Variants in HPCAL1 observed in about 807,000 individuals in gnomAD.
The protein encoded by HPCAL1 is hippocalcin like 1, also known as hippocalcin-like protein 1.
HPCAL1 carries 8 observed loss-of-function variants against 17.1 expected under a neutral mutation model. The observed-to-expected ratio is 0.47, with a 90% CI of 0.27 to 0.84. The LOEUF is 0.84. HPCAL1 is among the 40% of genes least tolerant of loss of function. The pLI is 0.13. For synonymous variants in HPCAL1, 112 were observed against 111.4 expected, an observed-to-expected ratio of 1.01 and a Z score of -0.03; for missense variants, 165 against 271.1, an observed-to-expected ratio of 0.61 and a Z score of 2.75.
chr2:10,338,409 TG>T (rs1664853452), intron 1 of HPCAL1, among the ~76,000 whole-genome samples: 1 of 152,148 alleles, frequency 6.6e-6, no homozygotes, highest in Non-Finnish European at 1.5e-5. Context: ...ATCAGCTGTG[TG>T]GTGTTCAAAT....
rs891668399 is a variant in HPCAL1 at position 10,363,736 on chromosome 2, C to T, written c.-110-33099C>T. On this transcript the variant is annotated intron_variant, in intron 1 of 4. Transcript: ENST00000307845. The surrounding 1 kb of genome is among the most constrained non-coding windows in gnomAD (Gnocchi z 4.7). The stretch of plus-strand genomic sequence containing the variant: ...TCTGAGGCCAGCCACAGTTTGGGCA[C>T]GGCAAGGCTGGGGAGCCAGGCTTGT... Among the ~76,000 whole-genome samples, 6 of 152,176 alleles carry T rather than the reference C, an allele frequency of 3.9e-5. No individual in the cohort carries two copies. The highest frequency in any genetic ancestry group is 8.8e-5 in the Non-Finnish European group (6 of 68,032).
intron 2 of HPCAL1, among the ~76,000 whole-genome samples, chr2:10,410,436 C>CCTTT (rs1553360283): frequency 1.3e-5 from 1 of 77,496 alleles, no homozygotes; most frequent in Non-Finnish European, 2.3e-5. Context: ...TCTTCTTCTT[C>CCTTT]TTTTTTTTTT....
chr2:10,387,004 G>C (rs1024105059), intron 1 of HPCAL1, among the ~76,000 whole-genome samples: 1 of 152,222 alleles, frequency 6.6e-6, no homozygotes, highest in South Asian at 2.1e-4. Context: ...GGCCAGGTGG[G>C]CCCAAGTGTG....
In HPCAL1 at chr2:10,342,535, C is replaced by T. The variant is rs772386907; in HGVS notation, c.-111+39358C>T. 6.6e-6 allele frequency among the ~76,000 whole-genome samples: 1 copy of T among 152,124 alleles called. No homozygotes were observed. The highest frequency in any genetic ancestry group is 1.5e-5 in the Non-Finnish European group (1 of 68,010). On this transcript the variant is annotated intron_variant, in intron 1 of 4. Transcript: ENST00000307845. The surrounding 1 kb of genome is among the most constrained non-coding windows in gnomAD (Gnocchi z 4.1). ...AGGGTGGGAGGGGACTCCCAGGGAG[C>T]GGGGCTTGTGCTGGACTTTGCAGGA...
intron 1 of HPCAL1, among the ~76,000 whole-genome samples, chr2:10,309,997 T>C (rs941780020): frequency 2.0e-5 from 3 of 152,166 alleles, no homozygotes; most frequent in Non-Finnish European, 4.4e-5. Flanking sequence ...GCAAAATACC[T>C]TGGAAAGATC....
rs1391683417 is a variant in HPCAL1 at position 10,322,599 on chromosome 2, AG to A, written c.-111+19423del. On this transcript the variant is annotated intron_variant, in intron 1 of 4. Coordinates refer to ENST00000307845, the MANE Select transcript of HPCAL1 (RefSeq NM_002149.4). ...GCGAGGGGTTTCCCTTTCTGAATAA[AG>A]AGTCAAAGTCCCAAGACAGATGATT... is the stretch of plus-strand genomic sequence containing the variant. Among the ~76,000 whole-genome samples, 7 of 152,356 alleles carry A rather than the reference AG, an allele frequency of 4.6e-5. No homozygotes were observed. In the South Asian group the frequency reaches 6.2e-4, roughly 14 times the overall value.
intron 1 of HPCAL1, among the ~76,000 whole-genome samples, chr2:10,372,481 C>T (rs1667283488): frequency 6.6e-6 from 1 of 152,162 alleles, no homozygotes; most frequent in African/African-American, 2.4e-5. Flanking sequence ...GAGCGTATGG[C>T]TGTGACACAC....
intron 1 of HPCAL1, among the ~76,000 whole-genome samples, chr2:10,352,604 G>A (rs1209358515): frequency 6.6e-6 from 1 of 152,198 alleles, no homozygotes; most frequent in African/African-American, 2.4e-5. Context: ...CCCTGGGGAC[G>A]TCTGGGATCT....
In HPCAL1 at chr2:10,422,977, C is replaced by A. The variant is rs746724475; in HGVS notation, c.379-6C>A. The A allele has an allele frequency of 6.2e-7, 1 of 1,607,212 alleles. No individual in the cohort carries two copies. Among genetic ancestry groups the A allele is most frequent in the Non-Finnish European group, 8.5e-7 (1 of 1,174,418 alleles). ...CTGAGCACAGTGTCATTGCCCCCAT[C>A]CGCAGGCCATCTACAAGATGGTGTC... On this transcript the variant is annotated splice_polypyrimidine_tract_variant and splice_region_variant and intron_variant, in intron 3 of 4. Transcript: ENST00000307845.
chr2:10,375,592 A>G (rs542707567), intron 1 of HPCAL1, among the ~76,000 whole-genome samples: 36 of 152,372 alleles, frequency 2.4e-4, no homozygotes, highest in African/African-American at 8.2e-4. Context: ...TAAACTCTGA[A>G]GTCAGAATTG....
At chr2:10,347,206 C>A (rs1039156320) in intron 1 of HPCAL1, among the ~76,000 whole-genome samples, 8 of 152,032 alleles carry the variant, frequency 5.3e-5, no homozygotes, top group African/African-American at 1.9e-4. Context: ...ATACGGTGGG[C>A]GCCTGTTCTT....
intron 1 of HPCAL1, among the ~76,000 whole-genome samples, chr2:10,350,319 CTTTTT>C (rs34432791): frequency 3.8e-5 from 5 of 130,210 alleles, no homozygotes; most frequent in Non-Finnish European, 4.9e-5. Flanking sequence ...AATCTATGTC[CTTTTT>C]TTTTTTTTTT....
chr2:10,308,305 T>C (rs930063951), intron 1 of HPCAL1, among the ~76,000 whole-genome samples: 1 of 152,198 alleles, frequency 6.6e-6, no homozygotes, highest in Non-Finnish European at 1.5e-5. Context: ...ATGCCCATTC[T>C]AAGTGTACAG....
chr2:10,353,247 G>A (rs898552419), intron 1 of HPCAL1, among the ~76,000 whole-genome samples: 8 of 152,224 alleles, frequency 5.3e-5, no homozygotes, highest in African/African-American at 1.4e-4. Context: ...TGAGGCCTGT[G>A]TTGCGCATGG....
In HPCAL1 at chr2:10,323,807, TAAC is replaced by T. The variant is rs1005274882; in HGVS notation, c.-111+20642_-111+20644del. On this transcript the variant is annotated intron_variant, in intron 1 of 4. Transcript: ENST00000307845. The surrounding 1 kb of genome is among the most constrained non-coding windows in gnomAD (Gnocchi z 4.6). ...CACTGGGGAGACATTTAAAAAACAA[TAAC>T]AACAACAACAAAAATCTGCGTCTTG... 2.0e-5 allele frequency among the ~76,000 whole-genome samples: 3 copies of T among 152,150 alleles called. No individual in the cohort carries two copies. Among genetic ancestry groups the T allele is most frequent in the African/African-American group, 4.8e-5 (2 of 41,430 alleles).
intron 2 of HPCAL1, among the ~76,000 whole-genome samples, chr2:10,412,397 G>A (rs1670411637): frequency 6.6e-6 from 1 of 152,226 alleles, no homozygotes; most frequent in African/African-American, 2.4e-5. Context: ...AAGCCTGGTT[G>A]AGAAATGCTT....
At chr2:10,391,592 G>A (rs546587909) in intron 1 of HPCAL1, among the ~76,000 whole-genome samples, 7 of 152,180 alleles carry the variant, frequency 4.6e-5, no homozygotes, top group East Asian at 1.9e-4. Context: ...AAGGAAACCC[G>A]TACCCTTTAC....
chr2:10,419,539 C>T lies in HPCAL1; in HGVS notation c.-24-195C>T, dbSNP rs1670898946. On this transcript the variant is annotated intron_variant, in intron 2 of 4. Coordinates refer to ENST00000307845, the MANE Select transcript of HPCAL1 (RefSeq NM_002149.4). The surrounding 1 kb of genome is among the most constrained non-coding windows in gnomAD (Gnocchi z 5.0). ...ACGTGTCCCGCAGTGTGAGGGTGAG[C>T]TGTCGTGATATAATTAGAGTCTCTT... Among the ~76,000 whole-genome samples, 1 of 151,908 alleles carries T rather than the reference C, an allele frequency of 6.6e-6. No individual in the cohort carries two copies. The highest frequency in any genetic ancestry group is 1.5e-5 in the Non-Finnish European group (1 of 68,002).
At chr2:10,379,428 G>A (rs573616628) in intron 1 of HPCAL1, among the ~76,000 whole-genome samples, 1 of 151,948 alleles carries the variant, frequency 6.6e-6, no homozygotes, top group Admixed American at 6.5e-5. Context: ...GGACAGGCCT[G>A]GCTCCTTTTC....
Sources: gnomAD v4.1 joint callset for allele counts (sites outside exome capture counted in the v4.1 genomes callset) on GRCh38, gnomAD v4.1.1 for gene constraint, Gnocchi (gnomAD v3.1) non-coding constraint, MANE v1.5 for transcripts, NCBI Gene and HGNC (gene_info 2026-07-23, HGNC 2026-07-21) for gene names.